Variants in USH2A observed in about 807,000 individuals in gnomAD.
USH2A encodes usherin, also known as Usher syndrome 2A (autosomal recessive, mild).
Under a neutral mutation model 538.9 loss-of-function variants are expected in USH2A, and 443 were observed. The observed-to-expected ratio is 0.82, with a 90% CI of 0.76 to 0.89. The LOEUF is 0.89. Among genes scored for constraint, USH2A ranks in the 40% least tolerant of loss-of-function variants. The probability of loss-of-function intolerance (pLI) is 0.00; values close to 1 mark genes in which losing one functional copy is unlikely to be tolerated. For synonymous variants in USH2A, 2,413 were observed against 2,273.5 expected (o/e 1.06, Z -1.75); for missense variants, 6,633 against 6,324.8 (o/e 1.05, Z -1.65).
At chr1:215,887,042 A>G (rs1475974683) in intron 41 of USH2A, among the ~76,000 whole-genome samples, 1 of 152,072 alleles carries the variant, frequency 6.6e-6, no homozygotes, top group Non-Finnish European at 1.5e-5. Flanking sequence ...TATTTTTAGT[A>G]GAGACGGGGT....
intron 38 of USH2A, among the ~76,000 whole-genome samples, chr1:215,919,302 C>A (rs1382858849): frequency 6.6e-6 from 1 of 152,132 alleles, no homozygotes; most frequent in African/African-American, 2.4e-5. Context: ...TGCAACGTAA[C>A]AACTACTATG....
chr1:216,381,396 TGTGAGCAATC>T (rs1261450260), intron 3 of USH2A, among the ~76,000 whole-genome samples: 1 of 152,098 alleles, frequency 6.6e-6, no homozygotes, highest in Non-Finnish European at 1.5e-5. Flanking sequence ...TTCTCTGGAG[TGTGAGCAATC>T]GTGAGCATAG....
At chr1:215,963,794 C>T (rs1057353251) in intron 37 of USH2A, among the ~76,000 whole-genome samples, 3 of 152,036 alleles carry the variant, frequency 2.0e-5, no homozygotes, top group South Asian at 2.1e-4. Context: ...ACATAAAAGC[C>T]CAGCTTTACT....
In USH2A at chr1:215,799,191, C is replaced by A. The variant is rs562735522; in HGVS notation, c.9740-66G>T. 90 of 1,468,304 alleles carry A rather than the reference C, an allele frequency of 6.1e-5. 1 individual carries two copies. In the South Asian group the frequency reaches 1.0e-3, roughly 17 times the overall value. The allele number at this position is 1,468,304 out of a possible 1,614,324, so 91.0% of individuals were successfully genotyped here. A position where few individuals can be genotyped will look rare whatever the true frequency, so the allele number is the denominator to read the frequency against. On this transcript the variant is annotated intron_variant, in intron 49 of 71. Coordinates refer to ENST00000307340, the MANE Select transcript of USH2A (RefSeq NM_206933.4). ...AAAATATGCTATGACTAACAATTAA[C>A]TTTTATCACAATCATCTTGCAGATC...
intron 61 of USH2A, among the ~76,000 whole-genome samples, chr1:215,709,369 T>C (rs143076674): frequency 6.6e-6 from 1 of 152,144 alleles, no homozygotes; most frequent in African/African-American, 2.4e-5. Flanking sequence ...ATTATGCAGA[T>C]GTGTGCTCCC....
intron 3 of USH2A, among the ~76,000 whole-genome samples, chr1:216,377,870 G>A (rs796172235): frequency 3.7e-4 from 36 of 97,438 alleles, no homozygotes; most frequent in South Asian, 1.4e-3. Context: ...AAAGAAAGAA[G>A]GAAAGAAAGA....
chr1:216,097,446 G>A (rs1203524991), intron 21 of USH2A, among the ~76,000 whole-genome samples: 2 of 152,076 alleles, frequency 1.3e-5, no homozygotes, highest in African/African-American at 4.8e-5. Flanking sequence ...ATATAATGAA[G>A]TTTAAATTTA....
chr1:215,763,524 C>T (rs151148217), intron 56 of USH2A, among the ~76,000 whole-genome samples: 6 of 152,180 alleles, frequency 3.9e-5, no homozygotes, highest in African/African-American at 1.4e-4. Flanking sequence ...CAGGACTGCA[C>T]ATACCTTGGC....
chr1:215,746,097 T>C (rs1660461427), intron 58 of USH2A, among the ~76,000 whole-genome samples: 3 of 152,188 alleles, frequency 2.0e-5, no homozygotes, highest in Admixed American at 6.5e-5. Flanking sequence ...TTAATATTTA[T>C]GAGGAAAAAA....
chr1:215,740,126 T>C (rs1400881860), intron 60 of USH2A, among the ~76,000 whole-genome samples: 2 of 152,216 alleles, frequency 1.3e-5, no homozygotes, highest in Non-Finnish European at 2.9e-5. Flanking sequence ...GCTCTTTGCA[T>C]TGTACTTTCT....
intron 21 of USH2A, among the ~76,000 whole-genome samples, chr1:216,146,751 C>T (rs1374885540): frequency 6.6e-6 from 1 of 152,076 alleles, no homozygotes; most frequent in African/African-American, 2.4e-5. Context: ...CCCCACTCCC[C>T]TCCTCCGTGT....
chr1:215,763,450 T>C (rs1213376568), intron 56 of USH2A, among the ~76,000 whole-genome samples: 1 of 151,930 alleles, frequency 6.6e-6, no homozygotes, highest in Non-Finnish European at 1.5e-5. Flanking sequence ...AGTGAGGATG[T>C]AGGGAAAGGG....
chr1:216,178,696 A>T (rs771753378), intron 20 of USH2A, among the ~76,000 whole-genome samples: 14 of 152,118 alleles, frequency 9.2e-5, no homozygotes, highest in Non-Finnish European at 1.8e-4. Flanking sequence ...CTACTTTACC[A>T]GTACTGTCCA....
At position 215,773,512 on chromosome 1, in the gene USH2A, GTCTCTCTCTCTCTCTCTC is replaced by G. The variant is rs939463487; in HGVS notation, c.10939+6313_10939+6330del. ...TCTCTGTCTCTCTCTCTCTCTCTCT[GTCTCTCTCTCTCTCTCTC>G]TCTGTCTTTCTCTCTCTCTCTCACA... On this transcript the variant is annotated intron_variant, in intron 55 of 71. Transcript: ENST00000307340. 2.1e-5 allele frequency among the ~76,000 whole-genome samples: 2 copies of G among 94,864 alleles called. 1 individual carries two copies. The highest frequency in any genetic ancestry group is 9.0e-5 in the African/African-American group (2 of 22,112). The allele number at this position is 94,864 out of a possible 152,430, so 62.2% of individuals were successfully genotyped here. A position where few individuals can be genotyped will look rare whatever the true frequency, so the allele number is the denominator to read the frequency against.
intron 11 of USH2A, among the ~76,000 whole-genome samples, chr1:216,253,533 T>C (rs2036204362): frequency 6.6e-6 from 1 of 152,186 alleles, no homozygotes. Context: ...GAAATCTAGA[T>C]AAGGCAGCCT....
chr1:215,947,438 T>G (rs1402191965), intron 37 of USH2A, among the ~76,000 whole-genome samples: 1 of 152,232 alleles, frequency 6.6e-6, no homozygotes, highest in Non-Finnish European at 1.5e-5. Context: ...TATATTTCTA[T>G]TAGGCAGTGC....
intron 38 of USH2A, among the ~76,000 whole-genome samples, chr1:215,933,632 T>G (rs2102498665): frequency 6.6e-6 from 1 of 152,072 alleles, no homozygotes; most frequent in East Asian, 1.9e-4. Context: ...TTCCCTTTTA[T>G]TTTTCTCCAG....
At chr1:215,781,402 T>C (rs777602563) in intron 54 of USH2A, among the ~76,000 whole-genome samples, 2 of 152,210 alleles carry the variant, frequency 1.3e-5, no homozygotes, top group Non-Finnish European at 2.9e-5. Context: ...GCTTGCAGAA[T>C]AGCACCATGA....
Position 215,625,737 on chromosome 1 carries a change from G to A in USH2A, c.*44C>T. 1 of 1,566,014 alleles carries A rather than the reference G, an allele frequency of 6.4e-7. No individual in the cohort carries two copies. The highest frequency in any genetic ancestry group is 1.1e-5 in the South Asian group (1 of 90,002). On this transcript the variant is annotated 3_prime_UTR_variant, in exon 72 of 72. Transcript: ENST00000307340. ...AGTGATAACCCAGGAGGAAATGGGT[G>A]CAGACCTTGCATTCCAGGGTTACGT...
Sources: allele counts gnomAD v4.1 joint callset (sites outside exome capture counted in the v4.1 genomes callset), GRCh38; gene constraint gnomAD v4.1.1; transcripts MANE v1.5; gene names NCBI Gene and HGNC (gene_info 2026-07-23, HGNC 2026-07-21).